Variants in KAZN observed in about 807,000 individuals in gnomAD.
KAZN encodes kazrin, periplakin interacting protein, also known as kazrin.
KAZN carries 40 observed loss-of-function variants against 87.4 expected under a neutral mutation model. The ratio of observed to expected loss-of-function variants is 0.46; its 90% CI spans 0.36 to 0.60. KAZN has a LOEUF of 0.60. KAZN is among the 20% of genes least tolerant of loss of function. KAZN has a pLI of 0.00. For missense variants in KAZN, 898 were observed against 1,073.9 expected, an observed-to-expected ratio of 0.84 and a Z score of 2.29; for synonymous variants, 466 against 458.3, an observed-to-expected ratio of 1.02 and a Z score of -0.22.
At chr1:14,970,493 C>T (rs1664912206) in intron 2 of KAZN, among the ~76,000 whole-genome samples, 2 of 152,224 alleles carry the variant, frequency 1.3e-5, no homozygotes, top group Admixed American at 1.3e-4. Context: ...ACTTTGTCCC[C>T]TTTGCTTTTT....
At chr1:14,890,597 G>A (rs573455225) in intron 1 of KAZN, among the ~76,000 whole-genome samples, 1 of 152,294 alleles carries the variant, frequency 6.6e-6, no homozygotes, top group African/African-American at 2.4e-5. Context: ...TGAATGACGG[G>A]CGTGAATCAG....
At position 14,790,240 on chromosome 1, in the gene KAZN, G is replaced by A. The variant is rs760267682; in HGVS notation, c.227-170444G>A. Among the ~76,000 whole-genome samples, 58 of 151,680 alleles carry A rather than the reference G, an allele frequency of 3.8e-4. 1 individual carries two copies. Among genetic ancestry groups the A allele is most frequent in the East Asian group, 3.9e-4 (2 of 5,152 alleles). On this transcript the variant is annotated intron_variant, in intron 1 of 14. Transcript: ENST00000376030. Reference sequence around the variant, plus strand: ...TCGGTCAGGCTAGTCTTGAACTCCCGACCTTAAGTGATGCGCTCACCTCGG... The same window carrying A: ...TCGGTCAGGCTAGTCTTGAACTCCCAACCTTAAGTGATGCGCTCACCTCGG...
intron 1 of KAZN, among the ~76,000 whole-genome samples, chr1:14,601,014 C>CT: frequency 6.6e-6 from 1 of 152,272 alleles, no homozygotes; most frequent in South Asian, 2.1e-4. Flanking sequence ...ATTCCTTGTT[C>CT]TTTTTTCCTA....
chr1:14,850,087 C>A (rs1368340782), intron 1 of KAZN, among the ~76,000 whole-genome samples: 2 of 151,980 alleles, frequency 1.3e-5, no homozygotes, highest in African/African-American at 2.4e-5. Flanking sequence ...AGGTGTACGC[C>A]ACCACACCCA....
chr1:14,235,650 A>G (rs1648352010), intron 2 of KAZN, among the ~76,000 whole-genome samples: 1 of 152,194 alleles, frequency 6.6e-6, no homozygotes, highest in Non-Finnish European at 1.5e-5. Flanking sequence ...AAATAGAAAA[A>G]TGTTTTATGC....
intron 1 of KAZN, among the ~76,000 whole-genome samples, chr1:14,935,445 G>A (rs1660340413): frequency 6.7e-6 from 1 of 149,466 alleles, no homozygotes; most frequent in East Asian, 2.1e-4. Context: ...CTGGACCATC[G>A]ATTCTCAAGG....
rs542651557 is a variant in KAZN at position 14,327,175 on chromosome 1, A to G, written c.249+146583A>G. ...AAAAGATAAAATATTAATGTTCTCA[A>G]GGGTTGATTTTCTTTTTATAAGTTA... On this transcript the variant is annotated intron_variant, in intron 2 of 16. Transcript: ENST00000636203. 1.2e-4 allele frequency among the ~76,000 whole-genome samples: 19 copies of G among 152,302 alleles called. 1 individual carries two copies. Among genetic ancestry groups the G allele is most frequent in the African/African-American group, 3.8e-4 (16 of 41,570 alleles).
intron 1 of KAZN, among the ~76,000 whole-genome samples, chr1:14,095,154 G>C (rs1644099743): frequency 6.6e-6 from 1 of 152,122 alleles, no homozygotes; most frequent in Non-Finnish European, 1.5e-5. Flanking sequence ...TCCCTTCCGT[G>C]AACAATGAAA....
At chr1:14,608,344 C>T (rs1677533112) in intron 1 of KAZN, among the ~76,000 whole-genome samples, 1 of 152,162 alleles carries the variant, frequency 6.6e-6, no homozygotes, top group Non-Finnish European at 1.5e-5. Flanking sequence ...CTCACAGCCT[C>T]ATAGGTATAA....
At chr1:14,312,038 G>A (rs1655340898) in intron 2 of KAZN, among the ~76,000 whole-genome samples, 1 of 152,132 alleles carries the variant, frequency 6.6e-6, no homozygotes, top group South Asian at 2.1e-4. Flanking sequence ...GATGAAGAAA[G>A]ACATGTTTGG....
At chr1:14,120,075 G>A (rs560162188) in intron 1 of KAZN, among the ~76,000 whole-genome samples, 4 of 152,250 alleles carry the variant, frequency 2.6e-5, no homozygotes, top group Admixed American at 6.5e-5. Flanking sequence ...GTATTAATCC[G>A]TTCTTGCATT....
chr1:14,682,574 C>T (rs1466839291), intron 1 of KAZN, among the ~76,000 whole-genome samples: 2 of 152,148 alleles, frequency 1.3e-5, no homozygotes, highest in South Asian at 2.1e-4. Flanking sequence ...AGGCATGAGG[C>T]ACCATGCCTG....
At chr1:14,560,234 C>T (rs990688686) in intron 2 of KAZN, among the ~76,000 whole-genome samples, 2 of 152,146 alleles carry the variant, frequency 1.3e-5, no homozygotes, top group Non-Finnish European at 2.9e-5. Context: ...CCTCAGTAGT[C>T]CTTTTAAGCT....
intron 2 of KAZN, among the ~76,000 whole-genome samples, chr1:14,212,135 C>A (rs909705661): frequency 6.6e-6 from 1 of 152,190 alleles, no homozygotes; most frequent in Non-Finnish European, 1.5e-5. Context: ...TTTCAAGAAC[C>A]ATGGCCATCC....
chr1:13,954,859 C>T (rs753869017), intron 1 of KAZN, among the ~76,000 whole-genome samples: 1 of 152,130 alleles, frequency 6.6e-6, no homozygotes, highest in Non-Finnish European at 1.5e-5. Context: ...TTTAAATTGT[C>T]AGCATTAGTT....
intron 1 of KAZN, among the ~76,000 whole-genome samples, chr1:14,653,052 C>T (rs929485209): frequency 2.0e-5 from 3 of 152,146 alleles, no homozygotes; most frequent in Non-Finnish European, 4.4e-5. Flanking sequence ...TGAAACTTAC[C>T]GTCTTGCAGG....
At chr1:14,376,635 A>G (rs1264050013) in intron 2 of KAZN, among the ~76,000 whole-genome samples, 6 of 152,250 alleles carry the variant, frequency 3.9e-5, no homozygotes, top group Non-Finnish European at 7.3e-5. Flanking sequence ...ACAATAAAAA[A>G]TGGACTAAAA....
chr1:14,032,507 C>T (rs1557794712), intron 1 of KAZN, among the ~76,000 whole-genome samples: 1 of 152,218 alleles, frequency 6.6e-6, no homozygotes, highest in Non-Finnish European at 1.5e-5. Context: ...CAACCTCTGT[C>T]TGTCCCAACA....
At chr1:14,721,597 A>G (rs904980996) in intron 1 of KAZN, among the ~76,000 whole-genome samples, 1 of 152,178 alleles carries the variant, frequency 6.6e-6, no homozygotes, top group Non-Finnish European at 1.5e-5. Context: ...CAAGGATGAC[A>G]TTTCAATGCT....
Sources: allele counts gnomAD v4.1 joint callset (sites outside exome capture counted in the v4.1 genomes callset), GRCh38; gene constraint gnomAD v4.1.1; transcripts MANE v1.5; gene names NCBI Gene and HGNC (gene_info 2026-07-23, HGNC 2026-07-21).